Variants in RAMP3 observed in about 807,000 individuals in gnomAD.
The protein encoded by RAMP3 is receptor activity-modifying protein 3.
Under a neutral mutation model 13.5 loss-of-function variants are expected in RAMP3, and 14 were observed. That is an observed-to-expected ratio of 1.04 (90% CI 0.69 to 1.63). RAMP3 has a LOEUF of 1.63. Ranked by LOEUF, RAMP3 falls within the 40% of genes most tolerant of loss-of-function variation. The probability of loss-of-function intolerance (pLI) is 0.00; values close to 1 mark genes in which losing one functional copy is unlikely to be tolerated. For missense variants in RAMP3, 200 were observed against 204.8 expected, an observed-to-expected ratio of 0.98 and a Z score of 0.14; for synonymous variants, 106 against 88.3, an observed-to-expected ratio of 1.20 and a Z score of -1.12.
At chr7:45,163,580 A>G in intron 1 of RAMP3, 1 of 985,454 alleles carries the variant, frequency 1.0e-6, no homozygotes, top group Non-Finnish European at 1.2e-6. Flanking sequence ...GGCTGGGGTC[A>G]GCAGTGGTGG....
chr7:45,178,241 A>G (rs1463615854), intron 2 of RAMP3, among the ~76,000 whole-genome samples: 1 of 152,110 alleles, frequency 6.6e-6, no homozygotes, highest in Non-Finnish European at 1.5e-5. Context: ...ACAACACCTC[A>G]TAGTGAAGGG....
At chr7:45,163,240 A>G (rs777367927) in intron 1 of RAMP3, 4 of 985,360 alleles carry the variant, frequency 4.1e-6, no homozygotes, top group Non-Finnish European at 4.8e-6. Context: ...GAAAGATGAC[A>G]GTGCCCAGAG....
intron 1 of RAMP3, chr7:45,163,556 T>C: frequency 1.0e-6 from 1 of 985,222 alleles, no homozygotes; most frequent in South Asian, 4.7e-5. Flanking sequence ...AGCTCATGGG[T>C]GGGACAAGCT....
intron 1 of RAMP3, among the ~76,000 whole-genome samples, chr7:45,171,896 A>T (rs1290586995): frequency 6.6e-6 from 1 of 152,240 alleles, no homozygotes; most frequent in Non-Finnish European, 1.5e-5. Context: ...CCTGGGCAGG[A>T]CCTGGCACTG....
At chr7:45,159,844 G>C (rs1030667313) in intron 1 of RAMP3, among the ~76,000 whole-genome samples, 1 of 152,216 alleles carries the variant, frequency 6.6e-6, no homozygotes, top group East Asian at 1.9e-4. Flanking sequence ...GGCCTCATGA[G>C]GCTCACTCAC....
At chr7:45,172,743 G>A (rs563572085) in intron 1 of RAMP3, among the ~76,000 whole-genome samples, 1 of 152,328 alleles carries the variant, frequency 6.6e-6, no homozygotes, top group Admixed American at 6.5e-5. Flanking sequence ...TTTTCCTTGG[G>A]AAGTTAATTA....
chr7:45,177,219 A>G, intron 1 of RAMP3, 90 bp from the exon 2 acceptor site: 1 of 1,537,252 alleles, frequency 6.5e-7, no homozygotes, highest in Non-Finnish European at 8.9e-7. Context: ...CTTGCTAGTG[A>G]GTACTCAAGT....
intron 1 of RAMP3, among the ~76,000 whole-genome samples, chr7:45,158,144 C>T (rs533635338): frequency 2.6e-5 from 4 of 152,350 alleles, no homozygotes; most frequent in South Asian, 2.1e-4. Flanking sequence ...GGTCCGGCAG[C>T]CCCCGGTCCT....
At chr7:45,177,009 A>T (rs973492872) in intron 1 of RAMP3, among the ~76,000 whole-genome samples, 1 of 152,000 alleles carries the variant, frequency 6.6e-6, no homozygotes, top group South Asian at 2.1e-4. Flanking sequence ...CCCTCTCACC[A>T]CCTCCCAAGG....
intron 1 of RAMP3, among the ~76,000 whole-genome samples, chr7:45,165,995 A>G (rs1404959972): frequency 6.6e-6 from 1 of 152,202 alleles, no homozygotes; most frequent in Non-Finnish European, 1.5e-5. Flanking sequence ...TCTTCATGTA[A>G]AAATCTGTGT....
intron 2 of RAMP3, among the ~76,000 whole-genome samples, chr7:45,182,355 A>G (rs1023802877): frequency 1.3e-5 from 2 of 152,100 alleles, no homozygotes; most frequent in African/African-American, 2.4e-5. Context: ...GCAGACCCCA[A>G]TGACAGGGAG....
chr7:45,180,243 G>A (rs1263781462), intron 2 of RAMP3, among the ~76,000 whole-genome samples: 2 of 152,230 alleles, frequency 1.3e-5, no homozygotes, highest in Non-Finnish European at 2.9e-5. Context: ...ACCCTGGGTG[G>A]AGGCAGCCTG....
rs375325035 is a variant in RAMP3 at position 45,183,142 on chromosome 7, C to A, written c.192-15C>A. ...GATGGCGAGAGCCTGGCTTTCACCC[C>A]CTCTGCTTTTGCAGGTACTATGAGA... On this transcript the variant is annotated splice_polypyrimidine_tract_variant and intron_variant, in intron 2 of 2. Transcript: ENST00000242249. 121 of 1,607,044 alleles carry A rather than the reference C, an allele frequency of 7.5e-5. No individual in the cohort carries two copies. The highest frequency in any genetic ancestry group is 6.7e-5 in the East Asian group (3 of 44,848).
Position 45,183,300 on chromosome 7 carries a change from AG to A in RAMP3, c.337del (p.Asp113ThrfsTer10), listed in dbSNP as rs1786356804. On this transcript the variant is annotated frameshift_variant, in exon 3 of 3. Coordinates refer to ENST00000242249, the MANE Select transcript of RAMP3 (RefSeq NM_005856.3). LOFTEE classifies it high-confidence loss of function. ...TGCACCGTGGACAGGGTCCACTTGGAGGACCCCCCAGACGAGGTTCTCATCC... is the reference window on the plus strand; with the variant it reads ...TGCACCGTGGACAGGGTCCACTTGGAGACCCCCCAGACGAGGTTCTCATCC... ...SNCTVDRVHL[E>X]DPPDEVLIPL... is the part of the protein sequence containing the mutation. The A allele has an allele frequency of 6.2e-7, 1 of 1,613,966 alleles. No homozygotes were observed. The highest frequency in any genetic ancestry group is 1.3e-5 in the African/African-American group (1 of 74,914).
intron 1 of RAMP3, among the ~76,000 whole-genome samples, chr7:45,175,528 C>G (rs1231815094): frequency 6.6e-6 from 1 of 152,226 alleles, no homozygotes; most frequent in Non-Finnish European, 1.5e-5. Flanking sequence ...AGGGGCCCTT[C>G]TCAGTGCTGT....
chr7:45,160,600 G>T (rs1193773904), intron 1 of RAMP3, among the ~76,000 whole-genome samples: 1 of 151,910 alleles, frequency 6.6e-6, no homozygotes, highest in African/African-American at 2.4e-5. Flanking sequence ...TGCCAGTCTC[G>T]TCGATGCTCT....
rs769314322 is a variant in RAMP3, at chr7:45,183,434, GGT to G, written c.*23_*24del. 6.2e-7 allele frequency: 1 copy of G among 1,605,592 alleles called. No individual in the cohort carries two copies. Among genetic ancestry groups the G allele is most frequent in the Admixed American group, 1.7e-5 (1 of 59,988 alleles). ...GTGAGGGTCCCGGTGAGATGGAGTG[GGT>G]CACACCTGGCAAGCTGGAAGAAAGT... On this transcript the variant is annotated 3_prime_UTR_variant, in exon 3 of 3. Transcript: ENST00000242249.
chr7:45,177,350 T>C lies in RAMP3; in HGVS notation c.100T>C (p.Leu34=). 6.2e-7 allele frequency: 1 copy of C among 1,614,102 alleles called. No homozygotes were observed. ...AGGCGGCTGCAACGAGACAGGCATG[T>C]TGGAGAGGCTGCCCCTGTGTGGGAA... ...RAGGCNETGM[L]ERLPLCGKAF... The change falls in exon 2 of 3, where the codon TTG becomes CTG. Residue 34 remains leucine (L), a synonymous_variant. Coordinates refer to ENST00000242249, the MANE Select transcript of RAMP3 (RefSeq NM_005856.3).
intron 2 of RAMP3, 49 bp downstream of exon 2, chr7:45,177,490 C>T (rs1191927155): frequency 6.2e-7 from 1 of 1,609,522 alleles, no homozygotes; most frequent in East Asian, 2.2e-5. Flanking sequence ...CAGCGCTGCC[C>T]ACTGCCCAAC....
Sources: gnomAD v4.1 joint callset for allele counts (sites outside exome capture counted in the v4.1 genomes callset) on GRCh38, gnomAD v4.1.1 for gene constraint, MANE v1.5 for transcripts, NCBI Gene and HGNC (gene_info 2026-07-23, HGNC 2026-07-21) for gene names.